Variants in HS6ST2 observed in about 807,000 individuals in gnomAD.
The protein encoded by HS6ST2 is heparan sulfate 6-O-sulfotransferase 2, also known as heparan-sulfate 6-O-sulfotransferase 2.
HS6ST2 carries 17 observed loss-of-function variants against 33.0 expected under a neutral mutation model. The observed-to-expected ratio is 0.52, with a 90% CI of 0.35 to 0.77. HS6ST2 has a LOEUF of 0.77. HS6ST2 is among the 30% of genes least tolerant of loss of function. The pLI, the probability that HS6ST2 is intolerant of heterozygous loss-of-function variation, is 0.01. For synonymous variants in HS6ST2, 248 were observed against 237.1 expected, an observed-to-expected ratio of 1.05 and a Z score of -0.42; for missense variants, 519 against 551.7, an observed-to-expected ratio of 0.94 and a Z score of 0.59.
rs147602652 is a variant in HS6ST2, at chrX:132,795,266, G to A, written c.948-86772C>T. On this transcript the variant is annotated intron_variant, in intron 2 of 4. Coordinates refer to ENST00000370833, the MANE Select transcript of HS6ST2 (RefSeq NM_001394073.1). ...TATAAATGGAATCATACAATAATATGGCCTTTTGTGTCTGGCTTCTATCAA... is the reference window on the plus strand; with the variant it reads ...TATAAATGGAATCATACAATAATATAGCCTTTTGTGTCTGGCTTCTATCAA... Among the ~76,000 whole-genome samples, 1,092 of 111,725 alleles carry A rather than the reference G, an allele frequency of 9.8e-3. 8 individuals are homozygous for A. Among genetic ancestry groups the A allele is most frequent in the Non-Finnish European group, 0.014 (764 of 53,112 alleles).
rs147910799 is a variant in HS6ST2 at position 132,771,190 on chromosome X, C to T, written c.948-62696G>A. Among the ~76,000 whole-genome samples, 745 of 111,724 alleles carry T rather than the reference C, an allele frequency of 6.7e-3. 8 individuals carry two copies. The highest frequency in any genetic ancestry group is 0.022 in the African/African-American group (687 of 30,772). On this transcript the variant is annotated intron_variant, in intron 2 of 4. Transcript: ENST00000370833. ...TAGTAGGTGCTCAGTAAATATGCAA[C>T]GAGTGAAAGAAAGAATGAATGCAAG... is the stretch of plus-strand genomic sequence containing the variant.
At chrX:132,711,657 A>G (rs756979553) in intron 2 of HS6ST2, among the ~76,000 whole-genome samples, 1 of 111,999 alleles carries the variant, frequency 8.9e-6, no homozygotes, top group East Asian at 2.8e-4. Flanking sequence ...CACAGAGCCC[A>G]GAGCACAGCC....
intron 2 of HS6ST2, among the ~76,000 whole-genome samples, chrX:132,889,796 G>GA (rs1431802380): frequency 9.0e-6 from 1 of 111,253 alleles, no homozygotes; most frequent in Non-Finnish European, 1.9e-5. Context: ...TACAGAACTA[G>GA]AAAAAACAAT....
In HS6ST2 at chrX:132,669,530, A is replaced by G. The variant is rs762643395; in HGVS notation, c.981-331T>C. On this transcript the variant is annotated intron_variant, in intron 3 of 4. Coordinates refer to ENST00000370833, the MANE Select transcript of HS6ST2 (RefSeq NM_001394073.1). ...TTTTAAAAAAAAAAGTATAAAAATA[A>G]CTAGTCTTTAAAATAAAATCCTTTC... 1.3e-3 allele frequency: 191 copies of G among 150,910 alleles called. 1 individual carries two copies. Among genetic ancestry groups the G allele is most frequent in the Non-Finnish European group, 2.1e-3 (161 of 78,495 alleles). The allele number at this position is 150,910 out of a possible 1,213,427, so 12.4% of individuals were successfully genotyped here. A position where few individuals can be genotyped will look rare whatever the true frequency, so the allele number is the denominator to read the frequency against.
intron 2 of HS6ST2, among the ~76,000 whole-genome samples, chrX:132,883,702 G>T (rs755958054): frequency 1.2e-4 from 13 of 110,984 alleles, no homozygotes; most frequent in African/African-American, 3.9e-4. Flanking sequence ...TCCACTATCA[G>T]TCCTCACCAG....
rs760616075 is a variant in HS6ST2 at position 132,627,654 on chromosome X, A to G, written c.*569T>C. ...CCAATATTTTGACATAAAACTACCC[A>G]TGTTTGGAGAGGAATTTTTTATTTT... On this transcript the variant is annotated 3_prime_UTR_variant, in exon 5 of 5. Coordinates refer to ENST00000370833, the MANE Select transcript of HS6ST2 (RefSeq NM_001394073.1). 1 of 112,328 alleles carries G rather than the reference A, an allele frequency of 8.9e-6. No homozygotes were observed. The allele number at this position is 112,328 out of a possible 1,213,427, so 9.3% of individuals were successfully genotyped here.
chrX:132,960,030 G>A (rs1027681980), upstream of HS6ST2, among the ~76,000 whole-genome samples: 3 of 112,390 alleles, frequency 2.7e-5, no homozygotes, highest in African/African-American at 9.7e-5. Flanking sequence ...ATAAGGGATA[G>A]TGGATTTTTT....
chrX:132,673,960 C>T (rs1340278058), intron 3 of HS6ST2, among the ~76,000 whole-genome samples: 1 of 111,987 alleles, frequency 8.9e-6, no homozygotes, highest in African/African-American at 3.2e-5. Flanking sequence ...ATAATACTTT[C>T]GCATTTCATT....
intron 2 of HS6ST2, among the ~76,000 whole-genome samples, chrX:132,793,147 G>A (rs1244094516): frequency 3.5e-5 from 3 of 85,519 alleles, no homozygotes; most frequent in Non-Finnish European, 6.3e-5. Context: ...CACAACCTCC[G>A]CCTCCTGGGT....
intron 2 of HS6ST2, among the ~76,000 whole-genome samples, chrX:132,752,645 G>A (rs1416618808): frequency 9.0e-6 from 1 of 111,225 alleles, no homozygotes; most frequent in Non-Finnish European, 1.9e-5. Flanking sequence ...CCAATTCCTC[G>A]CAAAACACAT....
At chrX:132,631,023 T>C in intron 4 of HS6ST2, among the ~76,000 whole-genome samples, 1 of 111,745 alleles carries the variant, frequency 8.9e-6, no homozygotes, top group South Asian at 3.8e-4. Context: ...AACTATGTTT[T>C]CAAGGACAGG....
At chrX:132,770,862 GAATT>G (rs1403686491) in intron 2 of HS6ST2, among the ~76,000 whole-genome samples, 2 of 111,089 alleles carry the variant, frequency 1.8e-5, no homozygotes, top group African/African-American at 3.3e-5. Context: ...GTTCAAAATG[GAATT>G]AATTAATTAT....
chrX:132,637,952 A>T lies in HS6ST2; in HGVS notation c.1068-8859T>A, dbSNP rs6638016. Among the ~76,000 whole-genome samples the T allele has an allele frequency of 4.1e-5, 3 of 72,408 alleles. No individual in the cohort carries two copies. In the Admixed American group the frequency reaches 6.6e-4, roughly 16 times the overall value. The allele number at this position is 72,408 out of a possible 115,157, so 62.9% of individuals were successfully genotyped here. ...TATTATATATAATATTTTATATATA[A>T]TATATATAAAATATTTTATATATAT... On this transcript the variant is annotated intron_variant, in intron 4 of 4. Transcript: ENST00000370833.
intron 2 of HS6ST2, among the ~76,000 whole-genome samples, chrX:132,915,982 C>G (rs1416892315): frequency 9.1e-6 from 1 of 110,426 alleles, no homozygotes; most frequent in Non-Finnish European, 1.9e-5. Context: ...ATCCACCTGC[C>G]TCGGCCTCCC....
At chrX:132,636,089 C>T (rs1025919842) in intron 4 of HS6ST2, among the ~76,000 whole-genome samples, 1 of 111,520 alleles carries the variant, frequency 9.0e-6, no homozygotes, top group Non-Finnish European at 1.9e-5. Flanking sequence ...TTTTCTGCCT[C>T]TTCCGCTGGA....
intron 2 of HS6ST2, among the ~76,000 whole-genome samples, chrX:132,762,861 T>C (rs2064815442): frequency 1.8e-5 from 2 of 111,325 alleles, no homozygotes; most frequent in African/African-American, 6.5e-5. Flanking sequence ...CAACAGAGCA[T>C]CATGGTTAAG....
chrX:132,816,307 C>T (rs974217696), intron 2 of HS6ST2, among the ~76,000 whole-genome samples: 5 of 111,935 alleles, frequency 4.5e-5, no homozygotes, highest in Admixed American at 1.9e-4. Context: ...TTAATAGGGG[C>T]TCAATTAAAG....
At chrX:132,672,916 G>A (rs1336124071) in intron 3 of HS6ST2, among the ~76,000 whole-genome samples, 1 of 111,652 alleles carries the variant, frequency 9.0e-6, no homozygotes, top group Non-Finnish European at 1.9e-5. Context: ...GCTAATTGTG[G>A]GAGAAGAACC....
At chrX:132,862,744 C>A (rs2065924702) in intron 2 of HS6ST2, among the ~76,000 whole-genome samples, 1 of 111,995 alleles carries the variant, frequency 8.9e-6, no homozygotes. Flanking sequence ...TGTTTATTGG[C>A]CAGACCTGTG....
Sources: gnomAD v4.1 joint callset for allele counts (sites outside exome capture counted in the v4.1 genomes callset) on GRCh38, gnomAD v4.1.1 for gene constraint, MANE v1.5 for transcripts, NCBI Gene and HGNC (gene_info 2026-07-23, HGNC 2026-07-21) for gene names.